ROBO2: variants seen among roughly 807,000 people sequenced by gnomAD.
ROBO2 encodes roundabout guidance receptor 2.
ROBO2 carries 53 observed loss-of-function variants against 160.8 expected under a neutral mutation model. The ratio of observed to expected loss-of-function variants is 0.33; its 90% CI spans 0.26 to 0.41. The LOEUF (loss-of-function observed/expected upper bound fraction) is 0.41. Ranked by LOEUF, ROBO2 falls within the 10% of genes least tolerant of loss-of-function variation. ROBO2 has a pLI of 1.00. For missense variants in ROBO2, 1,577 were observed against 1,722.4 expected (o/e 0.92, Z 1.49); for synonymous variants, 664 against 611.7 (o/e 1.09, Z -1.26).
rs190298486 is a variant in ROBO2 at position 75,960,961 on chromosome 3, T to C, written c.109+23359T>C. Among the ~76,000 whole-genome samples the C allele has an allele frequency of 5.1e-4, 78 of 151,850 alleles. 1 individual carries two copies. Among genetic ancestry groups the C allele is most frequent in the African/African-American group, 1.5e-3 (64 of 41,498 alleles). On this transcript the variant is annotated intron_variant, in intron 2 of 26. Coordinates refer to the ROBO2 transcript ENST00000487694. ...ATCATTGACAAAATTATTATTCTTT[T>C]CTTTTTTGAAATAATGGAGACATAG...
In ROBO2 at chr3:76,679,629, G is replaced by T. The variant is rs140944842; in HGVS notation, c.110-418385G>T. Among the ~76,000 whole-genome samples the T allele has an allele frequency of 2.6e-5, 4 of 152,220 alleles. No individual in the cohort carries two copies. In the East Asian group the frequency reaches 7.7e-4, roughly 29 times the overall value. On this transcript the variant is annotated intron_variant, in intron 2 of 26. Coordinates refer to the ROBO2 transcript ENST00000487694. The stretch of plus-strand genomic sequence containing the variant: ...CTTACCTTCTTCAGCCTGCTATTTG[G>T]ATACTTTATTCTAGAAGCTGTTAAC...
intron 2 of ROBO2, among the ~76,000 whole-genome samples, chr3:76,186,860 T>A (rs1701789781): frequency 1.3e-5 from 2 of 152,072 alleles, no homozygotes; most frequent in South Asian, 4.1e-4. Flanking sequence ...TGTTGCCAAG[T>A]CCAGTTTATT....
Position 76,142,450 on chromosome 3 carries a change from G to A in ROBO2, c.109+204848G>A, listed in dbSNP as rs144919285. ...TAGATGAATGGATAAAGAAAATGTA[G>A]TACATATACACAATGGAGTACTATT... is the stretch of plus-strand genomic sequence containing the variant. On this transcript the variant is annotated intron_variant, in intron 2 of 26. Transcript: ENST00000487694. Among the ~76,000 whole-genome samples the A allele has an allele frequency of 2.2e-3, 332 of 152,022 alleles. 1 individual carries two copies. The highest frequency in any genetic ancestry group is 7.6e-3 in the African/African-American group (316 of 41,460).
chr3:76,719,710 C>G (rs1330095254), intron 2 of ROBO2, among the ~76,000 whole-genome samples: 1 of 151,934 alleles, frequency 6.6e-6, no homozygotes, highest in Non-Finnish European at 1.5e-5. Context: ...ATGGTGAAAC[C>G]CTGTCTCGAC....
At chr3:77,316,089 C>T (rs540193162) in intron 2 of ROBO2, among the ~76,000 whole-genome samples, 6 of 152,128 alleles carry the variant, frequency 3.9e-5, no homozygotes, top group Admixed American at 1.3e-4. Flanking sequence ...ATTACAATCA[C>T]GCAGACTCTT....
chr3:76,179,116 C>T (rs745713263), intron 2 of ROBO2, among the ~76,000 whole-genome samples: 14 of 151,858 alleles, frequency 9.2e-5, no homozygotes, highest in South Asian at 2.1e-4. Context: ...GCAGCTCATT[C>T]GGAATTAATG....
intron 2 of ROBO2, among the ~76,000 whole-genome samples, chr3:76,977,282 C>G (rs1446171998): frequency 6.6e-6 from 1 of 152,096 alleles, no homozygotes; most frequent in Non-Finnish European, 1.5e-5. Flanking sequence ...TAAAAGAAAG[C>G]TTTACAGAGA....
At chr3:76,552,697 T>C (rs2083488195) in intron 2 of ROBO2, among the ~76,000 whole-genome samples, 1 of 152,208 alleles carries the variant, frequency 6.6e-6, no homozygotes. Context: ...CCATGTAGAA[T>C]ATATAATCTA....
intron 2 of ROBO2, among the ~76,000 whole-genome samples, chr3:76,460,347 A>C (rs2078017421): frequency 6.6e-6 from 1 of 152,318 alleles, no homozygotes; most frequent in Middle Eastern, 3.4e-3. Context: ...TCATTTCAAA[A>C]TAACAGGAAA....
At chr3:77,380,744 G>A (rs558979829) in intron 2 of ROBO2, among the ~76,000 whole-genome samples, 5 of 145,062 alleles carry the variant, frequency 3.4e-5, no homozygotes, top group Admixed American at 2.8e-4. Context: ...ATCATCACAG[G>A]TGTGAGTGTT....
At chr3:77,554,653 G>C (rs1417600148) in intron 8 of ROBO2, among the ~76,000 whole-genome samples, 1 of 151,908 alleles carries the variant, frequency 6.6e-6, no homozygotes, top group Non-Finnish European at 1.5e-5. Context: ...TGCACATGTG[G>C]TACAAATAGC....
At chr3:76,320,753 T>C (rs1047756551) in intron 2 of ROBO2, among the ~76,000 whole-genome samples, 3 of 152,294 alleles carry the variant, frequency 2.0e-5, no homozygotes, top group African/African-American at 7.2e-5. Context: ...CATGGACCAG[T>C]GTGGAGAAAC....
chr3:76,693,058 AGTGT>A (rs1312306068), intron 2 of ROBO2, among the ~76,000 whole-genome samples: 3 of 145,418 alleles, frequency 2.1e-5, no homozygotes, highest in South Asian at 2.2e-4. Context: ...CTATATATAT[AGTGT>A]GTATCTATAT....
At chr3:77,592,774 A>G (rs2153686050) in intron 17 of ROBO2, among the ~76,000 whole-genome samples, 1 of 150,706 alleles carries the variant, frequency 6.6e-6, no homozygotes, top group Middle Eastern at 3.4e-3. Flanking sequence ...CTGGTCTTGA[A>G]CTCCTGACCT....
At chr3:77,277,169 T>TTTCC (rs2059905714) in intron 2 of ROBO2, among the ~76,000 whole-genome samples, 1 of 95,236 alleles carries the variant, frequency 1.1e-5, no homozygotes, top group Non-Finnish European at 2.1e-5. Context: ...TCTTTCTTTC[T>TTTCC]TTCTTTCTTT....
chr3:77,565,131 C>A lies in ROBO2; in HGVS notation c.1849+11C>A, dbSNP rs780643579. 6.2e-7 allele frequency: 1 copy of A among 1,613,386 alleles called. No homozygotes were observed. The highest frequency in any genetic ancestry group is 2.2e-5 in the East Asian group (1 of 44,842). The stretch of plus-strand genomic sequence containing the variant: ...CTGTGCGCACACAAGGTACTTTCAA[C>A]AGCTGTCAACAAGACTGGTTCTAGG... On this transcript the variant is annotated intron_variant, in intron 12 of 25. Transcript: ENST00000461745.
intron 6 of ROBO2, among the ~76,000 whole-genome samples, chr3:77,534,961 C>A (rs2091996447): frequency 6.6e-6 from 1 of 152,142 alleles, no homozygotes. Flanking sequence ...ATGCAAGCAG[C>A]TTTAAATAGT....
chr3:77,248,527 G>A (rs762162052), intron 2 of ROBO2, among the ~76,000 whole-genome samples: 6 of 152,132 alleles, frequency 3.9e-5, no homozygotes, highest in African/African-American at 9.7e-5. Context: ...CAGGGGTCGC[G>A]AGCACCCCCC....
At chr3:77,369,358 G>A (rs1340155499) in intron 2 of ROBO2, among the ~76,000 whole-genome samples, 1 of 152,134 alleles carries the variant, frequency 6.6e-6, no homozygotes, top group Non-Finnish European at 1.5e-5. Context: ...ACTGTAGCAG[G>A]TTTCACAAAA....
Sources: allele counts gnomAD v4.1 joint callset (sites outside exome capture counted in the v4.1 genomes callset), GRCh38; gene constraint gnomAD v4.1.1; transcripts MANE v1.5; gene names NCBI Gene and HGNC (gene_info 2026-07-23, HGNC 2026-07-21).